AGTRAP: variants seen among roughly 807,000 people sequenced by gnomAD.
AGTRAP encodes the protein angiotensin II receptor associated protein, also known as type-1 angiotensin II receptor-associated protein.
AGTRAP carries 7 observed loss-of-function variants against 15.2 expected under a neutral mutation model. That is an observed-to-expected ratio of 0.46 (90% CI 0.26 to 0.87). The LOEUF (loss-of-function observed/expected upper bound fraction) is 0.87, where lower values mean the gene tolerates loss of function less well. Ranked by LOEUF, AGTRAP falls within the 40% of genes least tolerant of loss-of-function variation. The pLI is 0.15. For synonymous variants in AGTRAP, 74 were observed against 89.6 expected (o/e 0.83, Z 0.98); for missense variants, 187 against 213.4 (o/e 0.88, Z 0.77).
chr1:11,742,453 CTTCCTTCCTTCT>C (rs1381313168), intron 1 of AGTRAP, among the ~76,000 whole-genome samples: 1 of 146,294 alleles, frequency 6.8e-6, no homozygotes, highest in African/African-American at 2.5e-5. Context: ...TCCTTCCTTC[CTTCCTTCCTTCT>C]TTCCTTCCTT....
At chr1:11,746,166 C>G (rs372322834) in intron 2 of AGTRAP, 4 of 1,613,806 alleles carry the variant, frequency 2.5e-6, no homozygotes, top group Non-Finnish European at 3.4e-6. Flanking sequence ...GACTGGAAAC[C>G]ATTGAGCTCA....
Position 11,750,347 on chromosome 1 carries a change from C to A in AGTRAP, c.*155C>A. 1.4e-6 allele frequency: 1 copy of A among 725,792 alleles called. No individual in the cohort carries two copies. Among genetic ancestry groups the A allele is most frequent in the Non-Finnish European group, 2.4e-6 (1 of 411,032 alleles). The allele number at this position is 725,792 out of a possible 1,614,324, so 45.0% of individuals were successfully genotyped here. A position where few individuals can be genotyped will look rare whatever the true frequency, so the allele number is the denominator to read the frequency against. Reference sequence around the variant, plus strand: ...CCAAGAGGCCAGGAGCCCCCATGGGCCGCCCAGTACCATGCACACTCCTGT... The same window carrying A: ...CCAAGAGGCCAGGAGCCCCCATGGGACGCCCAGTACCATGCACACTCCTGT... On this transcript the variant is annotated 3_prime_UTR_variant, in exon 5 of 5. Coordinates refer to ENST00000314340, the MANE Select transcript of AGTRAP (RefSeq NM_020350.5).
intron 1 of AGTRAP, among the ~76,000 whole-genome samples, chr1:11,741,448 G>A (rs575269475): frequency 1.3e-5 from 2 of 152,346 alleles, no homozygotes; most frequent in Admixed American, 1.3e-4. Context: ...ACTCCCCAGG[G>A]TGAATGAAAA....
chr1:11,738,961 C>G (rs1410326915), intron 1 of AGTRAP, among the ~76,000 whole-genome samples: 1 of 152,224 alleles, frequency 6.6e-6, no homozygotes. Flanking sequence ...AAGTCTTGGT[C>G]TGCATGCCCT....
At position 11,750,247 on chromosome 1, in the gene AGTRAP, C is replaced by T. The variant is rs778398064; in HGVS notation, c.*55C>T. On this transcript the variant is annotated 3_prime_UTR_variant, in exon 5 of 5. Coordinates refer to ENST00000314340, the MANE Select transcript of AGTRAP (RefSeq NM_020350.5). ...CGGGCCTTCCTCGTGCCTGGGAGGT[C>T]GTTCTAGGGATGCTCCTGACCTCCG... 5 of 1,409,804 alleles carry T rather than the reference C, an allele frequency of 3.5e-6. No individual in the cohort carries two copies. The highest frequency in any genetic ancestry group is 1.4e-5 in the African/African-American group (1 of 70,958). 87.3% of individuals were successfully genotyped at this position (1,409,804 alleles called of 1,614,324 possible).
chr1:11,749,971 A>T, intron 4 of AGTRAP, 106 bp from the exon 5 acceptor site: 1 of 791,052 alleles, frequency 1.3e-6, no homozygotes, highest in South Asian at 1.6e-5. Context: ...TGGTGTCAGG[A>T]TGCCCAGCCC....
At position 11,750,150 on chromosome 1, in the gene AGTRAP, T is replaced by A. The variant is rs1642281390; in HGVS notation, c.438T>A (p.Phe146Leu). Residue 146 changes from phenylalanine (F) to leucine (L), a missense_variant, in exon 5 of 5, where the codon TTT (phenylalanine) becomes TTA (leucine). Coordinates refer to ENST00000314340, the MANE Select transcript of AGTRAP (RefSeq NM_020350.5). ...IDSAEAPADP[F>L]AVPEGRSQDA... ...CAGCAGAGGCGCCCGCAGATCCCTTTGCAGTCCCAGAGGGCAGGAGTCAAG... is the reference window on the plus strand; with the variant it reads ...CAGCAGAGGCGCCCGCAGATCCCTTAGCAGTCCCAGAGGGCAGGAGTCAAG... 6.2e-7 allele frequency: 1 copy of A among 1,614,012 alleles called. No homozygotes were observed. Among genetic ancestry groups the A allele is most frequent in the Non-Finnish European group, 8.5e-7 (1 of 1,180,014 alleles).
intron 2 of AGTRAP, chr1:11,746,383 C>T: frequency 1.6e-6 from 1 of 637,070 alleles, no homozygotes; most frequent in Non-Finnish European, 2.7e-6. Flanking sequence ...ATGGTTTATT[C>T]AAAGACCTAT....
At chr1:11,743,238 G>GTCTTT (rs1483751920) in intron 1 of AGTRAP, among the ~76,000 whole-genome samples, 1 of 151,810 alleles carries the variant, frequency 6.6e-6, no homozygotes, top group African/African-American at 2.4e-5. Flanking sequence ...CAAGGCATCT[G>GTCTTT]TCTTTTCTTT....
chr1:11,737,798 C>G (rs1311914492), intron 1 of AGTRAP, among the ~76,000 whole-genome samples: 1 of 152,108 alleles, frequency 6.6e-6, no homozygotes, highest in Non-Finnish European at 1.5e-5. Context: ...ATGAGCTATG[C>G]TGGCTTTCGG....
chr1:11,748,165 G>A (rs2100778827), intron 3 of AGTRAP, among the ~76,000 whole-genome samples: 1 of 152,318 alleles, frequency 6.6e-6, no homozygotes, highest in South Asian at 2.1e-4. Context: ...TCATGGCCTT[G>A]GAGATGACGG....
rs766894049 is a variant in AGTRAP at position 11,736,172 on chromosome 1, C to A, written c.-37C>A. The A allele has an allele frequency of 6.9e-6, 11 of 1,590,302 alleles. No individual in the cohort carries two copies. The highest frequency in any genetic ancestry group is 2.3e-5 in the East Asian group (1 of 44,154). ...CCGAGTTCGGAGCCTAGGAGCCCCC[C>A]GCGGCTGCGGCGCAGGTGCCCTCGG... On this transcript the variant is annotated 5_prime_UTR_variant, in exon 1 of 5. Coordinates refer to ENST00000314340, the MANE Select transcript of AGTRAP (RefSeq NM_020350.5).
In AGTRAP at chr1:11,745,708, C is replaced by A. The variant is rs982883119; in HGVS notation, c.28-95C>A. The A allele has an allele frequency of 2.9e-6, 4 of 1,364,974 alleles. No homozygotes were observed. The highest frequency in any genetic ancestry group is 1.2e-5 in the South Asian group (1 of 85,682). 84.6% of individuals were successfully genotyped at this position (1,364,974 alleles called of 1,614,324 possible). The stretch of plus-strand genomic sequence containing the variant: ...TACTGAGGCCCTCAGAGGTGCCAGG[C>A]GCAGGGGCGTCCTGTGTTTTCTGCA... On this transcript the variant is annotated intron_variant, in intron 1 of 4. Coordinates refer to ENST00000314340, the MANE Select transcript of AGTRAP (RefSeq NM_020350.5). The surrounding 1 kb of genome is among the most constrained non-coding windows in gnomAD (Gnocchi z 4.2).
chr1:11,737,353 A>G (rs761122746), intron 1 of AGTRAP, among the ~76,000 whole-genome samples: 14 of 152,190 alleles, frequency 9.2e-5, no homozygotes, highest in Non-Finnish European at 1.3e-4. Context: ...TGTTGGTATC[A>G]ATATGCACTC....
At chr1:11,747,634 A>G (rs952627812) in intron 3 of AGTRAP, 89 bp downstream of exon 3, 43 of 1,350,036 alleles carry the variant, frequency 3.2e-5, no homozygotes, top group Non-Finnish European at 4.1e-5. Context: ...TCCCATCCCA[A>G]TCTTCCCCCT....
intron 1 of AGTRAP, chr1:11,744,592 C>T: frequency 2.8e-6 from 2 of 714,732 alleles, no homozygotes; most frequent in South Asian, 3.0e-5. Flanking sequence ...GCTCCGCTTC[C>T]CATCGAGGCC....
intron 1 of AGTRAP, among the ~76,000 whole-genome samples, chr1:11,743,194 C>CT (rs1006351572): frequency 6.6e-6 from 1 of 152,192 alleles, no homozygotes; most frequent in Non-Finnish European, 1.5e-5. Flanking sequence ...GGTCCCTTCC[C>CT]TTTGGAAGCT....
At chr1:11,738,512 T>C (rs1329569307) in intron 1 of AGTRAP, among the ~76,000 whole-genome samples, 1 of 152,030 alleles carries the variant, frequency 6.6e-6, no homozygotes, top group Non-Finnish European at 1.5e-5. Context: ...GGTTAAAAAC[T>C]CAGTAATGAG....
intron 2 of AGTRAP, 26 bp from the exon 3 acceptor site, chr1:11,747,414 C>T (rs371460221): frequency 5.5e-5 from 89 of 1,607,510 alleles, no homozygotes; most frequent in South Asian, 4.6e-4. Flanking sequence ...GGCCTCCTGA[C>T]GGGACTGAGC....
Sources: allele counts gnomAD v4.1 joint callset (sites outside exome capture counted in the v4.1 genomes callset), GRCh38; gene constraint gnomAD v4.1.1; non-coding constraint Gnocchi (gnomAD v3.1); transcripts MANE v1.5; gene names NCBI Gene and HGNC (gene_info 2026-07-23, HGNC 2026-07-21).